COMMD1: variants seen among roughly 807,000 people sequenced by gnomAD.
The protein encoded by COMMD1 is COMM domain-containing protein 1.
COMMD1 carries 10 observed loss-of-function variants against 17.2 expected under a neutral mutation model. The observed-to-expected ratio is 0.58, with a 90% CI of 0.36 to 0.99. COMMD1 has a LOEUF of 0.99. Among genes scored for constraint, COMMD1 ranks in the 50% least tolerant of loss-of-function variants. The pLI is 0.01. For missense variants in COMMD1, 270 were observed against 231.8 expected, an observed-to-expected ratio of 1.17 and a Z score of -1.07; for synonymous variants, 97 against 91.6, an observed-to-expected ratio of 1.06 and a Z score of -0.34.
intron 1 of COMMD1, among the ~76,000 whole-genome samples, chr2:61,952,454 A>T (rs1671082506): frequency 6.6e-6 from 1 of 152,078 alleles, no homozygotes; most frequent in Admixed American, 6.6e-5. Context: ...ATTTTTTTCA[A>T]ACTTTCTGGC....
At chr2:62,076,856 G>C (rs1029220448) in intron 2 of COMMD1, among the ~76,000 whole-genome samples, 1 of 152,084 alleles carries the variant, frequency 6.6e-6, no homozygotes, top group Admixed American at 6.5e-5. Context: ...TTTAGGTCAG[G>C]CACAGTGGCT....
intron 1 of COMMD1, among the ~76,000 whole-genome samples, chr2:61,916,078 C>G (rs1670043437): frequency 6.6e-6 from 1 of 151,598 alleles, no homozygotes; most frequent in African/African-American, 2.4e-5. Context: ...TCAAGTGATT[C>G]TCCCACCTGA....
intron 1 of COMMD1, among the ~76,000 whole-genome samples, chr2:61,949,233 G>A (rs998658769): frequency 6.6e-6 from 1 of 152,066 alleles, no homozygotes; most frequent in Admixed American, 6.5e-5. Flanking sequence ...GCAGGGTTTT[G>A]ACAAGGAAGG....
intron 2 of COMMD1, among the ~76,000 whole-genome samples, chr2:62,098,052 G>A (rs775051405): frequency 1.1e-4 from 16 of 151,918 alleles, no homozygotes; most frequent in Non-Finnish European, 1.9e-4. Context: ...TCCTCTTGGG[G>A]TCGCTTAGAT....
chr2:61,953,328 T>C (rs1443611192), intron 1 of COMMD1, among the ~76,000 whole-genome samples: 1 of 151,854 alleles, frequency 6.6e-6, no homozygotes. Flanking sequence ...TTTATATTTC[T>C]GAGAGTTTTA....
At chr2:61,947,333 C>T (rs377220066) in intron 1 of COMMD1, among the ~76,000 whole-genome samples, 1 of 151,366 alleles carries the variant, frequency 6.6e-6, no homozygotes, top group East Asian at 1.9e-4. Context: ...TTGGAAATGA[C>T]TTTTTTTTTA....
intron 2 of COMMD1, among the ~76,000 whole-genome samples, chr2:62,049,947 T>A (rs915187401): frequency 2.6e-5 from 4 of 152,340 alleles, no homozygotes; most frequent in Middle Eastern, 3.4e-3. Flanking sequence ...TGTAATTGCA[T>A]GAATATATCT....
At chr2:62,064,031 A>AGTGAGAC (rs1183526440) in intron 2 of COMMD1, among the ~76,000 whole-genome samples, 1 of 150,832 alleles carries the variant, frequency 6.6e-6, no homozygotes, top group Non-Finnish European at 1.5e-5. Context: ...TGAGTGACAG[A>AGTGAGAC]GTGAGACCCT....
chr2:62,086,053 T>C (rs1466573999), intron 2 of COMMD1, among the ~76,000 whole-genome samples: 2 of 151,726 alleles, frequency 1.3e-5, no homozygotes, highest in Admixed American at 6.6e-5. Context: ...TAGTCGCATC[T>C]ACTGGGGAGG....
chr2:62,066,851 G>A (rs1055864615), intron 2 of COMMD1, among the ~76,000 whole-genome samples: 4 of 150,892 alleles, frequency 2.7e-5, no homozygotes, highest in Admixed American at 2.0e-4. Context: ...TCAGCCTCCC[G>A]AGTAGTTGGG....
intron 2 of COMMD1, among the ~76,000 whole-genome samples, chr2:62,097,121 T>C (rs1270185509): frequency 6.6e-6 from 1 of 152,082 alleles, no homozygotes; most frequent in East Asian, 1.9e-4. Flanking sequence ...CAGTAAGGTG[T>C]GGGGGTTAGG....
chr2:62,116,877 C>A (rs1219901358), intron 2 of COMMD1, among the ~76,000 whole-genome samples: 1 of 151,450 alleles, frequency 6.6e-6, no homozygotes, highest in African/African-American at 2.4e-5. Flanking sequence ...TGCCTGTAAT[C>A]CCAGCTACTC....
upstream of COMMD1, chr2:61,888,666 C>T (rs1002096455): frequency 1.2e-5 from 10 of 832,994 alleles, no homozygotes; most frequent in African/African-American, 1.4e-4. Context: ...GGGGGCCTTC[C>T]TTGCCGCGCG....
intron 2 of COMMD1, among the ~76,000 whole-genome samples, chr2:62,019,153 C>A (rs933700480): frequency 3.9e-5 from 5 of 129,598 alleles, no homozygotes; most frequent in Admixed American, 8.3e-5. Context: ...TCCTTCCTTC[C>A]TTCTCTTTCC....
At chr2:61,959,270 AGTAACTT>A (rs1423893473) in intron 1 of COMMD1, among the ~76,000 whole-genome samples, 1 of 152,164 alleles carries the variant, frequency 6.6e-6, no homozygotes, top group Non-Finnish European at 1.5e-5. Context: ...GCCTTTTTTC[AGTAACTT>A]GTAAAGATTA....
chr2:61,971,048 A>G lies in COMMD1; in HGVS notation c.181-29653A>G, dbSNP rs528249914. 1.3e-4 allele frequency among the ~76,000 whole-genome samples: 20 copies of G among 152,280 alleles called. No individual in the cohort carries two copies. The East Asian group carries it at 3.5e-3, about 26-fold the overall frequency. ...CTCAGCCTCCGGAGTAGCTGGGACTACAAGCATGTGCCGCCATGCCCGGCT... is the reference window on the plus strand; with the variant it reads ...CTCAGCCTCCGGAGTAGCTGGGACTGCAAGCATGTGCCGCCATGCCCGGCT... On this transcript the variant is annotated intron_variant, in intron 1 of 2. Coordinates refer to ENST00000311832, the MANE Select transcript of COMMD1 (RefSeq NM_152516.4).
At chr2:61,905,921 C>T in intron 1 of COMMD1, 63 bp downstream of exon 1, 4 of 1,538,010 alleles carry the variant, frequency 2.6e-6, no homozygotes, top group South Asian at 1.1e-5. Context: ...GCTTCAGACT[C>T]TCCCCCCCTT....
intron 1 of COMMD1, among the ~76,000 whole-genome samples, chr2:61,919,051 G>A (rs1010783393): frequency 5.9e-5 from 9 of 151,710 alleles, no homozygotes; most frequent in African/African-American, 2.2e-4. Flanking sequence ...TGCTCTTGTT[G>A]CCCAGGCTGG....
chr2:62,045,746 T>C (rs1670365784), intron 2 of COMMD1, among the ~76,000 whole-genome samples: 1 of 140,868 alleles, frequency 7.1e-6, no homozygotes, highest in Non-Finnish European at 1.6e-5. Context: ...TTTTTTTTTT[T>C]TTTTTTTTTG....
Sources: gnomAD v4.1 joint callset for allele counts (sites outside exome capture counted in the v4.1 genomes callset) on GRCh38, gnomAD v4.1.1 for gene constraint, MANE v1.5 for transcripts, NCBI Gene and HGNC (gene_info 2026-07-23, HGNC 2026-07-21) for gene names.